The following DLGAP4 variants were observed in gnomAD, a reference collection of about 807,000 sequenced individuals.
DLGAP4 encodes DLG associated protein 4.
Under a neutral mutation model 86.9 loss-of-function variants are expected in DLGAP4, and 18 were observed. That is an observed-to-expected ratio of 0.21 (90% CI 0.14 to 0.31). The LOEUF (loss-of-function observed/expected upper bound fraction) is 0.31, where lower values mean the gene tolerates loss of function less well. Ranked by LOEUF, DLGAP4 falls within the 10% of genes least tolerant of loss-of-function variation. DLGAP4 has a pLI of 1.00. For missense variants in DLGAP4, 1,085 were observed against 1,362.6 expected (o/e 0.80, Z 3.21); for synonymous variants, 548 against 574.3 (o/e 0.95, Z 0.65).
chr20:36,495,535 A>G (rs1449771315), intron 7 of DLGAP4, among the ~76,000 whole-genome samples: 2 of 152,238 alleles, frequency 1.3e-5, no homozygotes, highest in Non-Finnish European at 2.9e-5. Context: ...GCAAACAGCT[A>G]CTGTTGGAAA....
At chr20:36,472,486 GC>G in intron 7 of DLGAP4, among the ~76,000 whole-genome samples, 1 of 121,700 alleles carries the variant, frequency 8.2e-6, no homozygotes, top group African/African-American at 3.3e-5. Context: ...GGGTGACAAA[GC>G]AAAACCCTGT....
At chr20:36,385,155 C>T (rs891104756) in intron 2 of DLGAP4, among the ~76,000 whole-genome samples, 16 of 152,102 alleles carry the variant, frequency 1.1e-4, no homozygotes, top group African/African-American at 3.4e-4. Context: ...CCACCACCCT[C>T]CCCTCACCAC....
chr20:36,456,794 G>A (rs866236919), intron 7 of DLGAP4, among the ~76,000 whole-genome samples: 3 of 152,350 alleles, frequency 2.0e-5, no homozygotes, highest in Non-Finnish European at 2.9e-5. Flanking sequence ...CCAATCCCAG[G>A]ATTGAGACTC....
chr20:36,519,031 C>G (rs1018221881), intron 10 of DLGAP4, among the ~76,000 whole-genome samples: 4 of 151,464 alleles, frequency 2.6e-5, no homozygotes, highest in African/African-American at 9.7e-5. Context: ...GCAGGAGAAT[C>G]GCTTGAACCC....
At chr20:36,523,414 T>C (rs1002331739) in intron 10 of DLGAP4, among the ~76,000 whole-genome samples, 1 of 152,238 alleles carries the variant, frequency 6.6e-6, no homozygotes, top group African/African-American at 2.4e-5. Flanking sequence ...TCCTATTTGC[T>C]TATACTTTAA....
At position 36,430,648 on chromosome 20, in the gene DLGAP4, C is replaced by CAA. The variant is rs5841233; in HGVS notation, c.-72-975_-72-974dup. 3.3e-3 allele frequency among the ~76,000 whole-genome samples: 193 copies of CAA among 58,934 alleles called. 1 individual carries two copies. The highest frequency in any genetic ancestry group is 9.0e-3 in the African/African-American group (142 of 15,742). The allele number at this position is 58,934 out of a possible 152,430, so 38.7% of individuals were successfully genotyped here. ...CAGTGAGCTGTCTGTGACCTTGTTG[C>CAA]AAAAAAAAAAAAAAAAAAAAAAAAG... is the stretch of plus-strand genomic sequence containing the variant. On this transcript the variant is annotated intron_variant, in intron 2 of 12. Transcript: ENST00000339266.
At position 36,432,338 on chromosome 20, in the gene DLGAP4, C is replaced by T. The variant is rs1361224794; in HGVS notation, c.621C>T (p.Ser207=). 25 of 1,613,618 alleles carry T rather than the reference C, an allele frequency of 1.5e-5. No individual in the cohort carries two copies. The highest frequency in any genetic ancestry group is 1.6e-4 in the Middle Eastern group (1 of 6,084). ...SRSNISGWWS[S]DDNLDGEAGA... ...CCAACATCTCAGGCTGGTGGAGCTC[C>T]GATGACAACTTGGACGGCGAGGCCG... Residue 207 remains serine (S), a synonymous_variant, in exon 3 of 13, where the codon TCC becomes TCT. Coordinates refer to ENST00000339266, the MANE Select transcript of DLGAP4 (RefSeq NM_001365621.2). The surrounding 1 kb of genome is among the most constrained non-coding windows in gnomAD (Gnocchi z 6.5).
intron 7 of DLGAP4, among the ~76,000 whole-genome samples, chr20:36,460,953 G>A (rs1231981448): frequency 6.6e-6 from 1 of 152,224 alleles, no homozygotes. Flanking sequence ...GCAAAGGGAG[G>A]ATGCAGTGGC....
intron 1 of DLGAP4, among the ~76,000 whole-genome samples, chr20:36,336,046 A>T (rs1402160146): frequency 6.6e-6 from 1 of 152,078 alleles, no homozygotes; most frequent in African/African-American, 2.4e-5. Flanking sequence ...CTCCAGAGGG[A>T]CAGTTCCCTT....
chr20:36,380,365 A>G (rs2031328815), intron 2 of DLGAP4, among the ~76,000 whole-genome samples: 1 of 152,008 alleles, frequency 6.6e-6, no homozygotes, highest in African/African-American at 2.4e-5. Context: ...AGCTGAGATC[A>G]CACCACTGCA....
chr20:36,498,751 G>A (rs1292073597), intron 8 of DLGAP4: 1 of 155,068 alleles, frequency 6.4e-6, no homozygotes, highest in African/African-American at 2.4e-5. Context: ...TCATGCCCTA[G>A]ATTGAGTGTG....
chr20:36,418,272 C>G (rs2032722390), intron 2 of DLGAP4, among the ~76,000 whole-genome samples: 1 of 151,126 alleles, frequency 6.6e-6, no homozygotes, highest in Non-Finnish European at 1.5e-5. Flanking sequence ...CACTGCCACA[C>G]CTGGCTAATT....
rs146279054 is a variant in DLGAP4, at chr20:36,498,809, C to T, written c.2011-779C>T. ...GATGATAGGAAAGCTGGCCTGGCTG[C>T]CCCATGGCCCGGGACCTTTGTCCCA... On this transcript the variant is annotated intron_variant, in intron 8 of 12. Transcript: ENST00000339266. 9.4e-5 allele frequency: 15 copies of T among 160,110 alleles called. No homozygotes were observed. In the East Asian group the frequency reaches 2.6e-3, roughly 28 times the overall value. 9.9% of individuals were successfully genotyped at this position (160,110 alleles called of 1,614,324 possible). A position where few individuals can be genotyped will look rare whatever the true frequency, so the allele number is the denominator to read the frequency against.
intron 1 of DLGAP4, among the ~76,000 whole-genome samples, chr20:36,319,828 T>TCC (rs1287971680): frequency 2.0e-5 from 3 of 152,006 alleles, no homozygotes; most frequent in African/African-American, 4.8e-5. Flanking sequence ...TGGGCCCTCC[T>TCC]CCCCTCACCA....
chr20:36,461,498 G>A, intron 7 of DLGAP4: 1 of 982,508 alleles, frequency 1.0e-6, no homozygotes, highest in Non-Finnish European at 1.2e-6. Flanking sequence ...GCCGGGCTGC[G>A]TGAGGGAGGA....
At chr20:36,436,405 A>T in intron 4 of DLGAP4, 55 bp downstream of exon 4, 1 of 1,511,418 alleles carries the variant, frequency 6.6e-7, no homozygotes, top group Non-Finnish European at 8.8e-7. Context: ...CCCGCCCACT[A>T]CGAGTCTTGC....
At chr20:36,380,883 C>T (rs1264155617) in intron 2 of DLGAP4, among the ~76,000 whole-genome samples, 1 of 152,214 alleles carries the variant, frequency 6.6e-6, no homozygotes, top group Non-Finnish European at 1.5e-5. Context: ...ACAAAGACTT[C>T]CTGGAAGCCC....
intron 2 of DLGAP4, among the ~76,000 whole-genome samples, chr20:36,381,617 C>T (rs1017402153): frequency 2.6e-5 from 4 of 152,178 alleles, no homozygotes; most frequent in African/African-American, 9.7e-5. Context: ...CTTCATTGAG[C>T]CCCCAGTCTA....
chr20:36,522,943 A>G (rs1170496784), intron 10 of DLGAP4, among the ~76,000 whole-genome samples: 1 of 151,954 alleles, frequency 6.6e-6, no homozygotes, highest in African/African-American at 2.4e-5. Context: ...TGCAGCCTCA[A>G]CCTACCTAGT....
Sources: gnomAD v4.1 joint callset for allele counts (sites outside exome capture counted in the v4.1 genomes callset) on GRCh38, gnomAD v4.1.1 for gene constraint, Gnocchi (gnomAD v3.1) non-coding constraint, MANE v1.5 for transcripts, NCBI Gene and HGNC (gene_info 2026-07-23, HGNC 2026-07-21) for gene names.